The following C14orf39 variants were observed in gnomAD, a reference collection of about 807,000 sequenced individuals.
The protein encoded by C14orf39 is chromosome 14 open reading frame 39, also known as protein SIX6OS1.
Under a neutral mutation model 85.6 loss-of-function variants are expected in C14orf39, and 66 were observed. The ratio of observed to expected loss-of-function variants is 0.77; its 90% CI spans 0.63 to 0.95. C14orf39 has a LOEUF of 0.95. Ranked by LOEUF, C14orf39 falls within the 40% of genes least tolerant of loss-of-function variation. The pLI, the probability that C14orf39 is intolerant of heterozygous loss-of-function variation, is 0.00. For missense variants in C14orf39, 735 were observed against 663.9 expected, an observed-to-expected ratio of 1.11 and a Z score of -1.18; for synonymous variants, 242 against 214.0, an observed-to-expected ratio of 1.13 and a Z score of -1.14.
chr14:60,468,632 G>C, intron 8 of C14orf39, 96 bp from the exon 9 acceptor site: 4 of 605,516 alleles, frequency 6.6e-6, no homozygotes, highest in Admixed American at 7.3e-5. Flanking sequence ...ATAATCATAA[G>C]ATTCATATTT....
chr14:60,474,379 G>A (rs1215843787), intron 5 of C14orf39, among the ~76,000 whole-genome samples: 2 of 116,130 alleles, frequency 1.7e-5, no homozygotes, highest in Non-Finnish European at 3.8e-5. Context: ...TTTCCTAATT[G>A]AATACCATTT....
chr14:60,504,582 TC>T (rs1893182053), intron 1 of C14orf39, among the ~76,000 whole-genome samples: 2 of 152,222 alleles, frequency 1.3e-5, no homozygotes, highest in South Asian at 4.1e-4. Context: ...AATAAATGTT[TC>T]ATTACTAATA....
intron 1 of C14orf39, among the ~76,000 whole-genome samples, chr14:60,508,264 A>G (rs1467836513): frequency 2.0e-5 from 3 of 152,210 alleles, no homozygotes; most frequent in Non-Finnish European, 2.9e-5. Flanking sequence ...TTAAGTCGAT[A>G]TTTTAAAAAA....
chr14:60,462,993 CA>C (rs1891599701), intron 11 of C14orf39, among the ~76,000 whole-genome samples: 1 of 152,052 alleles, frequency 6.6e-6, no homozygotes. Context: ...AGATGTCAAG[CA>C]GTAGAATTGC....
intron 1 of C14orf39, among the ~76,000 whole-genome samples, chr14:60,502,650 G>C (rs1893162397): frequency 6.6e-6 from 1 of 152,152 alleles, no homozygotes; most frequent in Admixed American, 6.5e-5. Context: ...TGCTGTTAAA[G>C]GAAATATGCA....
chr14:60,486,195 C>G (rs368509210), upstream of C14orf39: 8 of 152,354 alleles, frequency 5.3e-5, no homozygotes, highest in African/African-American at 1.4e-4. Flanking sequence ...GCAACCGCTC[C>G]TTCTTCGCGG....
chr14:60,470,599 G>C (rs907446493), intron 7 of C14orf39, among the ~76,000 whole-genome samples: 2 of 151,724 alleles, frequency 1.3e-5, no homozygotes, highest in African/African-American at 2.4e-5. Context: ...CTATACCAGC[G>C]TCTACTAACT....
At chr14:60,471,790 A>T in intron 5 of C14orf39, 51 bp from the exon 6 acceptor site, 1 of 1,106,864 alleles carries the variant, frequency 9.0e-7, no homozygotes, top group Non-Finnish European at 1.3e-6. Flanking sequence ...AGATCTAAAA[A>T]CTTTGTGAAT....
At chr14:60,480,134 G>A (rs539902226) in intron 4 of C14orf39, among the ~76,000 whole-genome samples, 98 of 152,220 alleles carry the variant, frequency 6.4e-4, no homozygotes, top group African/African-American at 2.4e-3. Flanking sequence ...TCAAAAAGAT[G>A]AATAAGGCTG....
At chr14:60,460,508 TCAAAA>T (rs150779018) in intron 13 of C14orf39, among the ~76,000 whole-genome samples, 17 of 151,924 alleles carry the variant, frequency 1.1e-4, no homozygotes, top group African/African-American at 4.1e-4. Flanking sequence ...TTTTAAAACT[TCAAAA>T]CAAAAGTCAG....
chr14:60,468,574 C>T (rs772609240), intron 8 of C14orf39, 38 bp from the exon 9 acceptor site: 2 of 1,204,320 alleles, frequency 1.7e-6, no homozygotes, highest in African/African-American at 3.1e-5. Flanking sequence ...AAAATAATTA[C>T]TTGCAAAGCA....
At chr14:60,474,713 G>A (rs1892282367) in intron 5 of C14orf39, among the ~76,000 whole-genome samples, 1 of 151,868 alleles carries the variant, frequency 6.6e-6, no homozygotes, top group Non-Finnish European at 1.5e-5. Context: ...TTATTGATTT[G>A]CATATGTTGA....
chr14:60,470,438 A>G (rs1191196781), intron 7 of C14orf39, among the ~76,000 whole-genome samples: 7 of 151,936 alleles, frequency 4.6e-5, no homozygotes, highest in Admixed American at 3.9e-4. Context: ...ATCATGATTT[A>G]TAAGTCTATT....
intron 5 of C14orf39, among the ~76,000 whole-genome samples, chr14:60,474,470 T>C (rs1892268980): frequency 1.4e-5 from 1 of 73,758 alleles, no homozygotes; most frequent in South Asian, 3.9e-4. Context: ...GGTATCCCTG[T>C]CTTGTGCCAG....
At position 60,436,488 on chromosome 14, in the gene C14orf39, G is replaced by T. The variant is rs779841250; in HGVS notation, c.*357C>A. The T allele has an allele frequency of 6.9e-5, 12 of 173,188 alleles. No individual in the cohort carries two copies. Among genetic ancestry groups the T allele is most frequent in the Admixed American group, 1.2e-4 (2 of 16,560 alleles). 10.7% of individuals were successfully genotyped at this position (173,188 alleles called of 1,614,324 possible). A position where few individuals can be genotyped will look rare whatever the true frequency, so the allele number is the denominator to read the frequency against. ...CTCTGGAGTTACTACTGCAGTTCTT[G>T]TTCTTATCAAAGTACCAACAATACT... On this transcript the variant is annotated 3_prime_UTR_variant, in exon 18 of 18. Coordinates refer to ENST00000321731, the MANE Select transcript of C14orf39 (RefSeq NM_174978.3).
In C14orf39 at chr14:60,509,614, T is replaced by C. The variant is rs201846510; in HGVS notation, c.-144+5781A>G. 2.5e-6 allele frequency: 4 copies of C among 1,613,582 alleles called. No individual in the cohort carries two copies. In the African/African-American group the frequency reaches 5.3e-5, roughly 22 times the overall value. ...GTGGCAACTACCGCGAGCTCTATCA[T>C]ATCCTGGAAAACCACAAGTTCACCA... On this transcript the variant is annotated intron_variant, in intron 1 of 5. Transcript: ENST00000556799.
At chr14:60,461,261 G>T in intron 13 of C14orf39, 93 bp downstream of exon 13, 1 of 1,056,290 alleles carries the variant, frequency 9.5e-7, no homozygotes, top group Non-Finnish European at 1.4e-6. Context: ...AACCAGAGAT[G>T]CAAATAATCG....
rs1314418635 is a variant in C14orf39, at chr14:60,515,272, G to A, written c.-144+123C>T. Reference sequence around the variant, plus strand: ...CCAAGCCACGGTCCGCTCCCAAAGAGAAGCCCAGACTGGGCCCACAGTACC... The same window carrying A: ...CCAAGCCACGGTCCGCTCCCAAAGAAAAGCCCAGACTGGGCCCACAGTACC... On this transcript the variant is annotated intron_variant, in intron 1 of 5. Transcript: ENST00000556799. This position sits in a 1 kb window ranked among gnomAD's most constrained non-coding sequence, Gnocchi z 6.2. 1 of 151,942 alleles carries A rather than the reference G, an allele frequency of 6.6e-6. No individual in the cohort carries two copies. Among genetic ancestry groups the A allele is most frequent in the East Asian group, 2.0e-4 (1 of 5,046 alleles). 9.4% of individuals were successfully genotyped at this position (151,942 alleles called of 1,614,324 possible). A position where few individuals can be genotyped will look rare whatever the true frequency, so the allele number is the denominator to read the frequency against.
chr14:60,462,364 G>A (rs1228389925), intron 11 of C14orf39, among the ~76,000 whole-genome samples: 1 of 152,084 alleles, frequency 6.6e-6, no homozygotes, highest in African/African-American at 2.4e-5. Context: ...ACTCCAACCT[G>A]GAGGTGACAC....
Sources: gnomAD v4.1 joint callset for allele counts (sites outside exome capture counted in the v4.1 genomes callset) on GRCh38, gnomAD v4.1.1 for gene constraint, Gnocchi (gnomAD v3.1) non-coding constraint, MANE v1.5 for transcripts, NCBI Gene and HGNC (gene_info 2026-07-23, HGNC 2026-07-21) for gene names.